The following DCBLD2 variants were observed in gnomAD, a reference collection of about 807,000 sequenced individuals.
DCBLD2 encodes discoidin, CUB and LCCL domain containing 2, also known as discoidin, CUB and LCCL domain-containing protein 2.
In DCBLD2, 54 loss-of-function variants were observed where a neutral mutation model predicts 86.8. That is an observed-to-expected ratio of 0.62 (90% CI 0.50 to 0.78). DCBLD2 has a LOEUF of 0.78. DCBLD2 is among the 30% of genes least tolerant of loss of function. The probability of loss-of-function intolerance (pLI) is 0.00; values close to 1 mark genes in which losing one functional copy is unlikely to be tolerated. For missense variants in DCBLD2, 908 were observed against 954.2 expected (o/e 0.95, Z 0.64); for synonymous variants, 354 against 341.3 (o/e 1.04, Z -0.41).
intron 4 of DCBLD2, among the ~76,000 whole-genome samples, chr3:98,824,315 A>AATAG (rs1553725391): frequency 6.6e-6 from 1 of 152,028 alleles, no homozygotes; most frequent in Admixed American, 6.5e-5. Context: ...ACCATTAGGC[A>AATAG]ATAGTACAGC....
chr3:98,810,320 A>G (rs278379), intron 12 of DCBLD2, among the ~76,000 whole-genome samples: 54,900 of 152,086 alleles, frequency 0.36, 11,053 homozygotes, highest in East Asian at 0.71. Context: ...CAGCATGAGA[A>G]AGTAATTCAT....
At chr3:98,839,183 C>CTTTCTCTCTTTCCTTT (rs1559781619) in intron 3 of DCBLD2, among the ~76,000 whole-genome samples, 1 of 51,924 alleles carries the variant, frequency 1.9e-5, no homozygotes, top group Non-Finnish European at 4.0e-5. Flanking sequence ...TTTCTTTCTT[C>CTTTCTCTCTTTCCTTT]CTTCCTTCCT....
intron 2 of DCBLD2, among the ~76,000 whole-genome samples, chr3:98,877,605 T>C (rs1381552758): frequency 2.6e-5 from 4 of 152,160 alleles, no homozygotes; most frequent in Non-Finnish European, 5.9e-5. Flanking sequence ...GGTACATGTA[T>C]ATACATATGT....
At chr3:98,834,833 C>T (rs1446852087) in intron 3 of DCBLD2, among the ~76,000 whole-genome samples, 2 of 152,270 alleles carry the variant, frequency 1.3e-5, no homozygotes, top group African/African-American at 4.8e-5. Flanking sequence ...TCCCCTCAGT[C>T]TGAACTGCTT....
chr3:98,872,519 C>T (rs1265143825), intron 2 of DCBLD2, among the ~76,000 whole-genome samples: 1 of 152,134 alleles, frequency 6.6e-6, no homozygotes, highest in African/African-American at 2.4e-5. Context: ...ATAAAACATC[C>T]AGCTTCAGTT....
At chr3:98,820,811 A>G (rs1408469091) in intron 6 of DCBLD2, 1 of 149,398 alleles carries the variant, frequency 6.7e-6, no homozygotes, top group African/African-American at 2.5e-5. Flanking sequence ...CTCATGGAAG[A>G]AGTTTCAGTG....
intron 3 of DCBLD2, among the ~76,000 whole-genome samples, chr3:98,835,706 T>C (rs1299928130): frequency 6.7e-6 from 1 of 148,236 alleles, no homozygotes; most frequent in African/African-American, 2.5e-5. Context: ...CGTGCCACCA[T>C]GCCTGGCTAA....
chr3:98,838,962 T>C (rs181136061), intron 3 of DCBLD2, among the ~76,000 whole-genome samples: 1 of 149,468 alleles, frequency 6.7e-6, no homozygotes, highest in South Asian at 2.2e-4. Context: ...GGCAGGGAGG[T>C]TGCAGTGAGC....
Position 98,881,268 on chromosome 3 carries a change from A to C in DCBLD2, c.433+272T>G, listed in dbSNP as rs1408693643. Among the ~76,000 whole-genome samples, 12 of 41,522 alleles carry C rather than the reference A, an allele frequency of 2.9e-4. No individual in the cohort carries two copies. In the East Asian group the frequency reaches 9.8e-3, roughly 34 times the overall value. 27.2% of individuals were successfully genotyped at this position (41,522 alleles called of 152,430 possible). Reference sequence around the variant, plus strand: ...AGACTCTGTCTCAAAAAAAAAAACAAAAAAAAAAAAACAGAGAATTAACTT... The same window carrying C: ...AGACTCTGTCTCAAAAAAAAAAACACAAAAAAAAAAACAGAGAATTAACTT... On this transcript the variant is annotated intron_variant, in intron 2 of 15. Transcript: ENST00000326840.
intron 2 of DCBLD2, among the ~76,000 whole-genome samples, chr3:98,865,224 G>A (rs1390418755): frequency 6.6e-6 from 1 of 152,016 alleles, no homozygotes; most frequent in African/African-American, 2.4e-5. Flanking sequence ...ATGTCCATCA[G>A]TAGATGAATG....
intron 13 of DCBLD2, among the ~76,000 whole-genome samples, chr3:98,805,264 G>T (rs548705404): frequency 6.3e-4 from 96 of 152,038 alleles, no homozygotes; most frequent in African/African-American, 2.2e-3. Flanking sequence ...AATGAGTGTT[G>T]AAGATGTTAA....
intron 2 of DCBLD2, among the ~76,000 whole-genome samples, chr3:98,865,806 C>T (rs1576190880): frequency 1.3e-5 from 2 of 151,908 alleles, no homozygotes; most frequent in South Asian, 4.1e-4. Context: ...GTGTGCTGCA[C>T]CCATTAACTC....
chr3:98,872,462 C>T (rs1559795267), intron 2 of DCBLD2, among the ~76,000 whole-genome samples: 1 of 152,166 alleles, frequency 6.6e-6, no homozygotes, highest in Non-Finnish European at 1.5e-5. Context: ...TCCACTCTTG[C>T]ACTTTCCAGC....
chr3:98,820,186 G>A lies in DCBLD2; in HGVS notation c.871+62C>T, dbSNP rs1036354871. 4.6e-5 allele frequency: 49 copies of A among 1,072,564 alleles called. No homozygotes were observed. In the African/African-American group the frequency reaches 6.3e-4, roughly 14 times the overall value. 66.4% of individuals were successfully genotyped at this position (1,072,564 alleles called of 1,614,324 possible). On this transcript the variant is annotated intron_variant, in intron 7 of 15. Transcript: ENST00000326840. ...ACAATAAATCAGCAACTGACACAGTGCCTAACAGTGTTCAAAAAATATTAT... is the reference window on the plus strand; with the variant it reads ...ACAATAAATCAGCAACTGACACAGTACCTAACAGTGTTCAAAAAATATTAT...
intron 6 of DCBLD2, among the ~76,000 whole-genome samples, chr3:98,821,563 A>G (rs1406321716): frequency 6.6e-6 from 1 of 152,242 alleles, no homozygotes; most frequent in East Asian, 1.9e-4. Context: ...CCCATGTGCT[A>G]TAAGGAACAC....
At chr3:98,861,914 T>C (rs1470389362) in intron 2 of DCBLD2, among the ~76,000 whole-genome samples, 2 of 151,830 alleles carry the variant, frequency 1.3e-5, no homozygotes, top group Non-Finnish European at 2.9e-5. Flanking sequence ...AAAAAAACCT[T>C]CAAAAAATCA....
chr3:98,806,496 GTC>G (rs1941842090), intron 13 of DCBLD2, among the ~76,000 whole-genome samples: 1 of 151,886 alleles, frequency 6.6e-6, no homozygotes, highest in Admixed American at 6.6e-5. Context: ...AATTTGCTGT[GTC>G]TCTGCTTAGA....
At chr3:98,843,719 G>C (rs1326872622) in intron 3 of DCBLD2, among the ~76,000 whole-genome samples, 1 of 152,052 alleles carries the variant, frequency 6.6e-6, no homozygotes, top group Non-Finnish European at 1.5e-5. Flanking sequence ...CTTGTTAAAT[G>C]GGAATATTTT....
rs567690447 is a variant in DCBLD2, at chr3:98,866,171, C to T, written c.433+15369G>A. Among the ~76,000 whole-genome samples the T allele has an allele frequency of 3.4e-4, 51 of 152,038 alleles. 1 individual carries two copies. Among genetic ancestry groups the T allele is most frequent in the South Asian group, 1.3e-3 (6 of 4,798 alleles). ...TGTGAATAGTGCCGCAATAAACAGA[C>T]GTGTGCATGTGTCTTTATAGCAGCA... On this transcript the variant is annotated intron_variant, in intron 2 of 15. Coordinates refer to ENST00000326840, the MANE Select transcript of DCBLD2 (RefSeq NM_080927.4).
Sources: allele counts gnomAD v4.1 joint callset (sites outside exome capture counted in the v4.1 genomes callset), GRCh38; gene constraint gnomAD v4.1.1; transcripts MANE v1.5; gene names NCBI Gene and HGNC (gene_info 2026-07-23, HGNC 2026-07-21).